CNTNAP2: variants seen among roughly 807,000 people sequenced by gnomAD.
CNTNAP2 encodes the protein contactin-associated protein-like 2.
Under a neutral mutation model 155.2 loss-of-function variants are expected in CNTNAP2, and 98 were observed. The ratio of observed to expected loss-of-function variants is 0.63; its 90% confidence interval spans 0.54 to 0.75. CNTNAP2 has a LOEUF of 0.75. Among genes scored for constraint, CNTNAP2 ranks in the 30% least tolerant of loss-of-function variants. The pLI, the probability that CNTNAP2 is intolerant of heterozygous loss-of-function variation, is 0.00. For synonymous variants in CNTNAP2, 651 were observed against 631.2 expected (o/e 1.03, Z -0.47); for missense variants, 1,727 against 1,688.1 (o/e 1.02, Z -0.40).
intron 13 of CNTNAP2, among the ~76,000 whole-genome samples, chr7:147,772,535 G>A (rs764576036): frequency 3.7e-4 from 44 of 120,080 alleles, no homozygotes; most frequent in Non-Finnish European, 6.8e-4. Flanking sequence ...CTTTTGCCTT[G>A]TTTCTCAACT....
At chr7:147,940,445 C>G (rs974615305) in intron 14 of CNTNAP2, 12 of 151,742 alleles carry the variant, frequency 7.9e-5, no homozygotes, top group South Asian at 2.1e-4. Context: ...AGATACAATA[C>G]GATCAATACA....
rs953922485 is a variant in CNTNAP2, at chr7:148,172,464, C to T, written c.2996C>T (p.Thr999Ile). The T allele has an allele frequency of 6.2e-7, 1 of 1,614,120 alleles. No homozygotes were observed. The highest frequency in any genetic ancestry group is 8.5e-7 in the Non-Finnish European group (1 of 1,179,972). ...CDCSNTAYDG[T>I]FCNKDVGAFF... Reference sequence around the variant, plus strand: ...TGCTCTAATACTGCATATGATGGAACATTTTGCAACAAAGGTAAGGTGGAA... The same window carrying T: ...TGCTCTAATACTGCATATGATGGAATATTTTGCAACAAAGGTAAGGTGGAA... Residue 999 changes from threonine (T) to isoleucine (I), a missense_variant, in exon 18 of 24, where the codon ACA (threonine) becomes ATA (isoleucine). By Grantham distance (89) the Thr-to-Ile change is moderately conservative. Transcript: ENST00000361727.
intron 1 of CNTNAP2, among the ~76,000 whole-genome samples, chr7:146,586,566 G>A (rs1798695613): frequency 6.6e-6 from 1 of 151,802 alleles, no homozygotes; most frequent in Non-Finnish European, 1.5e-5. Flanking sequence ...CACATATAGA[G>A]TTTGTTAGGG....
At chr7:146,212,426 A>T (rs1239890660) in intron 1 of CNTNAP2, among the ~76,000 whole-genome samples, 1 of 152,140 alleles carries the variant, frequency 6.6e-6, no homozygotes, top group East Asian at 1.9e-4. Context: ...TCTAACAGGC[A>T]CAGAACATTC....
intron 1 of CNTNAP2, among the ~76,000 whole-genome samples, chr7:146,155,319 A>C (rs1221366928): frequency 6.6e-6 from 1 of 152,184 alleles, no homozygotes; most frequent in African/African-American, 2.4e-5. Context: ...ACTTCCCCAA[A>C]GGACTGTGCA....
chr7:146,662,661 A>G (rs966275036), intron 1 of CNTNAP2, among the ~76,000 whole-genome samples: 1 of 125,152 alleles, frequency 8.0e-6, no homozygotes, highest in East Asian at 2.3e-4. Context: ...TTTTTATGCC[A>G]TATAAAATAT....
At chr7:147,022,673 G>A (rs1219981752) in intron 3 of CNTNAP2, among the ~76,000 whole-genome samples, 1 of 148,198 alleles carries the variant, frequency 6.7e-6, no homozygotes, top group Non-Finnish European at 1.5e-5. Flanking sequence ...TTGTTAATGT[G>A]TTTCCATCAT....
intron 1 of CNTNAP2, among the ~76,000 whole-genome samples, chr7:146,578,893 A>G (rs1798566227): frequency 1.3e-5 from 2 of 152,076 alleles, no homozygotes; most frequent in Non-Finnish European, 1.5e-5. Flanking sequence ...CCTTTCAATT[A>G]TTTCTATTTT....
chr7:147,956,563 T>C (rs984075376), intron 14 of CNTNAP2, among the ~76,000 whole-genome samples: 1 of 152,156 alleles, frequency 6.6e-6, no homozygotes, highest in Non-Finnish European at 1.5e-5. Context: ...TGAAGACACA[T>C]GCCCATATCG....
In CNTNAP2 at chr7:146,787,806, T is replaced by G. The variant is rs190914546; in HGVS notation, c.208+13425T>G. On this transcript the variant is annotated intron_variant, in intron 2 of 23. Coordinates refer to ENST00000361727, the MANE Select transcript of CNTNAP2 (RefSeq NM_014141.6). ...GTGCTGATTGGTGCATTTACAGTCC[T>G]TTAGCTAGAAACAAAAGTTCTCCAA... Among the ~76,000 whole-genome samples, 50 of 152,222 alleles carry G rather than the reference T, an allele frequency of 3.3e-4. No homozygotes were observed. The South Asian group carries it at 9.6e-3, about 29-fold the overall frequency.
intron 3 of CNTNAP2, among the ~76,000 whole-genome samples, chr7:147,033,713 A>G (rs75783419): frequency 0.024 from 3,628 of 152,010 alleles, 155 homozygotes; most frequent in African/African-American, 0.082. Context: ...ATGGTCTGAA[A>G]CCTCACAGCT....
chr7:147,822,953 T>TTGC (rs1256874141), intron 13 of CNTNAP2, among the ~76,000 whole-genome samples: 1 of 152,212 alleles, frequency 6.6e-6, no homozygotes, highest in African/African-American at 2.4e-5. Flanking sequence ...AAAATATCAT[T>TTGC]TTATCAGAAG....
At chr7:147,859,598 G>T (rs1799103433) in intron 13 of CNTNAP2, among the ~76,000 whole-genome samples, 1 of 152,100 alleles carries the variant, frequency 6.6e-6, no homozygotes, top group Non-Finnish European at 1.5e-5. Flanking sequence ...AATATTACTA[G>T]AGTTCAGATA....
At chr7:146,995,433 T>A (rs1798290579) in intron 3 of CNTNAP2, among the ~76,000 whole-genome samples, 1 of 152,062 alleles carries the variant, frequency 6.6e-6, no homozygotes, top group Admixed American at 6.6e-5. Flanking sequence ...AATGACTATA[T>A]TAATGTATAT....
At chr7:147,476,272 C>A (rs1400093441) in intron 10 of CNTNAP2, among the ~76,000 whole-genome samples, 14 of 151,616 alleles carry the variant, frequency 9.2e-5, no homozygotes, top group Admixed American at 5.3e-4. Context: ...TGCCCAGCTA[C>A]TTTTTTGTAT....
At chr7:148,051,378 G>C (rs1802886453) in intron 15 of CNTNAP2, among the ~76,000 whole-genome samples, 2 of 151,884 alleles carry the variant, frequency 1.3e-5, no homozygotes, top group African/African-American at 4.8e-5. Flanking sequence ...TGGCCATCCG[G>C]AAGTTATGCA....
chr7:148,308,905 C>T (rs888973319), intron 21 of CNTNAP2, among the ~76,000 whole-genome samples: 1 of 152,192 alleles, frequency 6.6e-6, no homozygotes, highest in East Asian at 1.9e-4. Context: ...AGGACGTGAA[C>T]TCATCCTTTT....
At chr7:146,713,366 G>A (rs1490559454) in intron 1 of CNTNAP2, among the ~76,000 whole-genome samples, 1 of 152,064 alleles carries the variant, frequency 6.6e-6, no homozygotes, top group African/African-American at 2.4e-5. Flanking sequence ...CAATACTTTT[G>A]CTTCTCTGGA....
chr7:146,264,706 G>GA (rs1799968247), intron 1 of CNTNAP2, among the ~76,000 whole-genome samples: 1 of 152,128 alleles, frequency 6.6e-6, no homozygotes, highest in African/African-American at 2.4e-5. Context: ...GAGGAAGCGA[G>GA]AAAAAACGAA....
Sources: gnomAD v4.1 joint callset for allele counts (sites outside exome capture counted in the v4.1 genomes callset) on GRCh38, gnomAD v4.1.1 for gene constraint, MANE v1.5 for transcripts, NCBI Gene and HGNC (gene_info 2026-07-23, HGNC 2026-07-21) for gene names.